Variants in RGS3 observed in about 807,000 individuals in gnomAD.
RGS3 encodes regulator of G protein signaling 3.
A neutral mutation model predicts 132.6 loss-of-function variants in RGS3; 80 were observed. That is an observed-to-expected ratio of 0.60 (90% confidence interval 0.50 to 0.73). The LOEUF (loss-of-function observed/expected upper bound fraction) is 0.73. RGS3 is among the 30% of genes least tolerant of loss of function. The probability of loss-of-function intolerance (pLI) is 0.00; values close to 1 mark genes in which losing one functional copy is unlikely to be tolerated. For missense variants in RGS3, 1,382 were observed against 1,530.8 expected (o/e 0.90, Z 1.62); for synonymous variants, 598 against 620.6 (o/e 0.96, Z 0.54).
At chr9:113,551,213 G>A (rs867772831) in intron 19 of RGS3, among the ~76,000 whole-genome samples, 2 of 152,224 alleles carry the variant, frequency 1.3e-5, no homozygotes, top group Middle Eastern at 3.4e-3. Flanking sequence ...CATATAAAGG[G>A]AATTATATAA....
chr9:113,582,337 C>A, intron 19 of RGS3: 1 of 493,472 alleles, frequency 2.0e-6, no homozygotes, highest in Non-Finnish European at 2.6e-6. Context: ...TCTGGGGGTA[C>A]TTACCCCTGA....
chr9:113,454,047 C>T (rs1001151631), intron 1 of RGS3, among the ~76,000 whole-genome samples: 1 of 152,072 alleles, frequency 6.6e-6, no homozygotes, highest in African/African-American at 2.4e-5. Context: ...CTCCTGGCCT[C>T]AAGCCATCCT....
exon 20 of RGS3, chr9:113,584,082 G>A (rs1834978329): frequency 2.5e-6 from 4 of 1,614,184 alleles, no homozygotes; most frequent in Non-Finnish European, 1.7e-6. Flanking sequence ...AGGTGGAGGA[G>A]GGGGAGGAAG....
At chr9:113,491,794 T>C (rs1200211601) in intron 7 of RGS3, among the ~76,000 whole-genome samples, 1 of 152,256 alleles carries the variant, frequency 6.6e-6, no homozygotes, top group Non-Finnish European at 1.5e-5. Flanking sequence ...CCTCAAGTGA[T>C]CTGCCTGCCT....
intron 19 of RGS3, among the ~76,000 whole-genome samples, chr9:113,558,642 T>G (rs996323291): frequency 4.6e-5 from 7 of 152,084 alleles, no homozygotes; most frequent in African/African-American, 1.2e-4. Flanking sequence ...AGTTAGTGAG[T>G]TCTCATGAAA....
intron 10 of RGS3, among the ~76,000 whole-genome samples, chr9:113,502,190 G>C (rs1830931082): frequency 6.6e-6 from 1 of 152,158 alleles, no homozygotes; most frequent in Admixed American, 6.5e-5. Flanking sequence ...TCTTAGAAAG[G>C]GGGAAGACTG....
At chr9:113,459,745 TAAAA>T (rs200691540), upstream of RGS3, among the ~76,000 whole-genome samples, 3 of 148,102 alleles carry the variant, frequency 2.0e-5, no homozygotes, top group Non-Finnish European at 3.0e-5. Context: ...TCAAAAAAAA[TAAAA>T]AAAAAGAGGC....
At chr9:113,499,547 C>G (rs567366858) in intron 10 of RGS3, among the ~76,000 whole-genome samples, 10 of 152,246 alleles carry the variant, frequency 6.6e-5, no homozygotes, top group African/African-American at 2.2e-4. Context: ...TACACAATAT[C>G]GGCGTATTAC....
intron 6 of RGS3, 113 bp downstream of exon 4, chr9:113,484,345 A>C (rs899278016): frequency 2.0e-6 from 1 of 499,220 alleles, no homozygotes; most frequent in African/African-American, 2.3e-5. Context: ...AAAAAAAAAA[A>C]AAAACCAAAA....
chr9:113,525,541 G>A (rs1429422624), intron 17 of RGS3, among the ~76,000 whole-genome samples: 2 of 152,198 alleles, frequency 1.3e-5, no homozygotes, highest in African/African-American at 2.4e-5. Context: ...TGGCAGAATG[G>A]TCTCTGATTA....
chr9:113,465,195 C>T (rs1829590266), intron 3 of RGS3, among the ~76,000 whole-genome samples: 1 of 152,128 alleles, frequency 6.6e-6, no homozygotes, highest in African/African-American at 2.4e-5. Flanking sequence ...TCTGTATTGG[C>T]TGGGGTAGGA....
At chr9:113,559,166 G>A (rs1833690017) in intron 19 of RGS3, among the ~76,000 whole-genome samples, 1 of 152,246 alleles carries the variant, frequency 6.6e-6, no homozygotes, top group African/African-American at 2.4e-5. Flanking sequence ...TCACAGGCCT[G>A]GCCTCCCCGT....
At chr9:113,456,235 A>C (rs1338757433), upstream of RGS3, among the ~76,000 whole-genome samples, 1 of 152,102 alleles carries the variant, frequency 6.6e-6, no homozygotes, top group Non-Finnish European at 1.5e-5. Flanking sequence ...ATGCATGCTC[A>C]TGGCCTCACA....
At chr9:113,528,896 G>C (rs1385119389) in intron 17 of RGS3, among the ~76,000 whole-genome samples, 1 of 152,234 alleles carries the variant, frequency 6.6e-6, no homozygotes, top group Non-Finnish European at 1.5e-5. Flanking sequence ...TCATGGAAGG[G>C]AGGAGGCCTC....
intron 5 of RGS3, among the ~76,000 whole-genome samples, chr9:113,483,685 T>A (rs1396478396): frequency 6.6e-6 from 1 of 152,206 alleles, no homozygotes; most frequent in Admixed American, 6.5e-5. Flanking sequence ...AAGCCCCTGC[T>A]GGCAAGGAAT....
chr9:113,504,348 G>A (rs565459062), intron 10 of RGS3, among the ~76,000 whole-genome samples: 135 of 152,286 alleles, frequency 8.9e-4, no homozygotes, highest in African/African-American at 3.1e-3. Flanking sequence ...TCTCTAGGGG[G>A]TCTCTCGGGA....
exon 20 of RGS3, chr9:113,584,155 C>A: frequency 2.5e-6 from 4 of 1,614,234 alleles, no homozygotes; most frequent in East Asian, 2.2e-5. Context: ...TGAGGCCAAG[C>A]GCAGCAGCAT....
At chr9:113,588,934 T>C (rs558980778) in intron 20 of RGS3, among the ~76,000 whole-genome samples, 2 of 152,400 alleles carry the variant, frequency 1.3e-5, no homozygotes, top group South Asian at 2.1e-4. Flanking sequence ...ATTAAAAATC[T>C]ACACTCTTAA....
intron 1 of RGS3, among the ~76,000 whole-genome samples, chr9:113,453,140 CAT>C (rs905014598): frequency 1.5e-4 from 18 of 120,498 alleles, no homozygotes; most frequent in East Asian, 6.5e-4. Context: ...ATAATATACT[CAT>C]ATGATTATAT....
Sources: gnomAD v4.1 joint callset for allele counts (sites outside exome capture counted in the v4.1 genomes callset) on GRCh38, gnomAD v4.1.1 for gene constraint, MANE v1.5 for transcripts, NCBI Gene and HGNC (gene_info 2026-07-23, HGNC 2026-07-21) for gene names.